The following MAP2K4 variants were observed in gnomAD, a reference collection of about 807,000 sequenced individuals.
MAP2K4 encodes the protein dual specificity mitogen-activated protein kinase kinase 4.
MAP2K4 carries 4 observed loss-of-function variants against 48.5 expected under a neutral mutation model. The observed-to-expected ratio is 0.08, with a 90% CI of 0.04 to 0.19. The LOEUF (loss-of-function observed/expected upper bound fraction) is 0.19. Among genes scored for constraint, MAP2K4 ranks in the 10% least tolerant of loss-of-function variants. The pLI is 1.00. For synonymous variants in MAP2K4, 166 were observed against 173.1 expected, an observed-to-expected ratio of 0.96 and a Z score of 0.32; for missense variants, 258 against 493.3, an observed-to-expected ratio of 0.52 and a Z score of 4.52.
At chr17:12,072,099 G>T (rs546136414) in intron 2 of MAP2K4, among the ~76,000 whole-genome samples, 15 of 152,134 alleles carry the variant, frequency 9.9e-5, no homozygotes, top group Admixed American at 2.6e-4. Flanking sequence ...TCTCACCTGC[G>T]CACTTTGAAA....
chr17:12,047,827 A>G (rs1970015699), intron 1 of MAP2K4, among the ~76,000 whole-genome samples: 1 of 152,226 alleles, frequency 6.6e-6, no homozygotes, highest in African/African-American at 2.4e-5. Flanking sequence ...AGATATATTA[A>G]TCCTTATCAC....
chr17:12,133,015 A>G (rs2151593445), intron 9 of MAP2K4, among the ~76,000 whole-genome samples: 2 of 152,240 alleles, frequency 1.3e-5, no homozygotes, highest in South Asian at 4.1e-4. Flanking sequence ...TTGGGGAAAA[A>G]ATCTGGAACC....
At chr17:12,117,483 A>G (rs775292728) in intron 7 of MAP2K4, among the ~76,000 whole-genome samples, 1 of 152,150 alleles carries the variant, frequency 6.6e-6, no homozygotes, top group African/African-American at 2.4e-5. Context: ...TTTTCCCCAC[A>G]TAAGCATGCC....
intron 2 of MAP2K4, among the ~76,000 whole-genome samples, chr17:12,074,652 C>T (rs776759133): frequency 6.6e-6 from 1 of 152,166 alleles, no homozygotes; most frequent in Non-Finnish European, 1.5e-5. Context: ...AAGGAGGGCC[C>T]TCTGCATATC....
chr17:12,029,020 T>A (rs1969346002), intron 1 of MAP2K4, among the ~76,000 whole-genome samples: 1 of 152,346 alleles, frequency 6.6e-6, no homozygotes, highest in African/African-American at 2.4e-5. Flanking sequence ...ACACTTCATT[T>A]TGTTTTTTAC....
At chr17:12,095,722 T>G (rs1971715936) in intron 4 of MAP2K4, 28 bp downstream of exon 4, 1 of 1,607,354 alleles carries the variant, frequency 6.2e-7, no homozygotes, top group Non-Finnish European at 8.5e-7. Flanking sequence ...TTTAGCTGAC[T>G]AATGAATATC....
chr17:12,032,272 A>G, intron 1 of MAP2K4: 1 of 1,420,918 alleles, frequency 7.0e-7, no homozygotes, highest in Non-Finnish European at 9.3e-7. Context: ...TTAGGCTTTC[A>G]GATAAACTTC....
At chr17:12,089,973 C>T (rs1338874480) in intron 3 of MAP2K4, among the ~76,000 whole-genome samples, 5 of 152,186 alleles carry the variant, frequency 3.3e-5, no homozygotes, top group Admixed American at 3.3e-4. Context: ...CTCCTCAGTT[C>T]TTGATTCCTT....
intron 9 of MAP2K4, among the ~76,000 whole-genome samples, chr17:12,132,328 ACT>A (rs1973054750): frequency 1.3e-5 from 2 of 152,142 alleles, no homozygotes; most frequent in African/African-American, 4.8e-5. Flanking sequence ...ACAATTAGAA[ACT>A]CTCTCCACAG....
chr17:12,097,378 TTTAA>T (rs1379880283), intron 4 of MAP2K4, among the ~76,000 whole-genome samples: 1 of 152,276 alleles, frequency 6.6e-6, no homozygotes, highest in African/African-American at 2.4e-5. Flanking sequence ...TGTTCATTTA[TTTAA>T]TCATTCATGT....
intron 2 of MAP2K4, among the ~76,000 whole-genome samples, chr17:12,059,493 T>C (rs888816228): frequency 6.6e-6 from 1 of 151,474 alleles, no homozygotes; most frequent in Admixed American, 6.6e-5. Context: ...TGAAAGAACA[T>C]CCCTTTTATC....
intron 1 of MAP2K4, among the ~76,000 whole-genome samples, chr17:12,031,888 AT>A (rs1245105448): frequency 3.3e-5 from 5 of 152,226 alleles, no homozygotes; most frequent in Admixed American, 6.5e-5. Flanking sequence ...TAAATCAGTA[AT>A]TTAAGTTAGT....
chr17:12,090,392 T>G (rs1393048143), intron 3 of MAP2K4, among the ~76,000 whole-genome samples: 1 of 152,184 alleles, frequency 6.6e-6, no homozygotes, highest in Non-Finnish European at 1.5e-5. Flanking sequence ...CATGGAGATG[T>G]AAGGGTTAAC....
chr17:12,069,689 G>T (rs1378373632), intron 2 of MAP2K4: 1 of 1,011,554 alleles, frequency 9.9e-7, no homozygotes, highest in Non-Finnish European at 1.2e-6. Context: ...TTTGTTGGTA[G>T]TGCCAGGAAG....
chr17:12,047,365 T>C (rs967716018), intron 1 of MAP2K4, among the ~76,000 whole-genome samples: 1 of 152,232 alleles, frequency 6.6e-6, no homozygotes, highest in African/African-American at 2.4e-5. Flanking sequence ...TGCATAGTAA[T>C]GCCTTTACTC....
At chr17:12,070,674 C>T (rs1046985513) in intron 2 of MAP2K4, among the ~76,000 whole-genome samples, 5 of 152,156 alleles carry the variant, frequency 3.3e-5, no homozygotes, top group Non-Finnish European at 5.9e-5. Flanking sequence ...CAAACTACAG[C>T]TCATGAGCTG....
chr17:12,122,209 G>C (rs980822736), intron 7 of MAP2K4, among the ~76,000 whole-genome samples: 3 of 152,180 alleles, frequency 2.0e-5, no homozygotes, highest in African/African-American at 7.2e-5. Flanking sequence ...AACTTACTGA[G>C]GATGAGAGGA....
intron 2 of MAP2K4, among the ~76,000 whole-genome samples, chr17:12,061,508 T>A (rs117985750): frequency 3.9e-5 from 6 of 152,320 alleles, no homozygotes; most frequent in African/African-American, 7.2e-5. Context: ...GAGATTCACA[T>A]TCCCTTCAAG....
At chr17:12,116,666 A>G (rs571493667) in intron 7 of MAP2K4, among the ~76,000 whole-genome samples, 150 of 152,282 alleles carry the variant, frequency 9.9e-4, no homozygotes, top group Non-Finnish European at 1.9e-3. Flanking sequence ...TTCTAGGCCT[A>G]TACATGGGCG....
Sources: gnomAD v4.1 joint callset for allele counts (sites outside exome capture counted in the v4.1 genomes callset) on GRCh38, gnomAD v4.1.1 for gene constraint, MANE v1.5 for transcripts, NCBI Gene and HGNC (gene_info 2026-07-23, HGNC 2026-07-21) for gene names.